Variants in MAN2A1 observed in about 807,000 individuals in gnomAD.
MAN2A1 encodes the protein alpha-mannosidase 2.
MAN2A1 carries 76 observed loss-of-function variants against 142.6 expected under a neutral mutation model. The observed-to-expected ratio is 0.53, with a 90% CI of 0.44 to 0.65. The LOEUF is 0.65. MAN2A1 is among the 30% of genes least tolerant of loss of function. MAN2A1 has a pLI of 0.00. For synonymous variants in MAN2A1, 559 were observed against 473.2 expected, an observed-to-expected ratio of 1.18 and a Z score of -2.35; for missense variants, 1,311 against 1,365.1, an observed-to-expected ratio of 0.96 and a Z score of 0.62.
At chr5:109,856,284 G>A (rs1261019383) in intron 20 of MAN2A1, among the ~76,000 whole-genome samples, 4 of 152,094 alleles carry the variant, frequency 2.6e-5, no homozygotes, top group African/African-American at 9.7e-5. Flanking sequence ...CCTGTCACTT[G>A]GGAGAGGCCT....
At chr5:109,776,069 C>CTT (rs35427592) in intron 8 of MAN2A1, among the ~76,000 whole-genome samples, 1 of 134,942 alleles carries the variant, frequency 7.4e-6, no homozygotes, top group Non-Finnish European at 1.6e-5. Context: ...CTTTTAAAGT[C>CTT]TTTTTTTTTT....
chr5:109,719,536 T>G (rs919394404), intron 3 of MAN2A1, among the ~76,000 whole-genome samples: 2 of 152,188 alleles, frequency 1.3e-5, no homozygotes, highest in African/African-American at 4.8e-5. Flanking sequence ...ATAATACTCC[T>G]AAATGAATGT....
intron 16 of MAN2A1, among the ~76,000 whole-genome samples, chr5:109,841,801 A>G (rs1755212193): frequency 6.6e-6 from 1 of 152,248 alleles, no homozygotes; most frequent in African/African-American, 2.4e-5. Flanking sequence ...TAATATGTTA[A>G]TATTACTTTC....
At chr5:109,714,954 A>G (rs993621556) in intron 2 of MAN2A1, among the ~76,000 whole-genome samples, 4 of 150,964 alleles carry the variant, frequency 2.6e-5, no homozygotes, top group African/African-American at 9.8e-5. Context: ...CTTCTTGAGT[A>G]CCTAGCCTTG....
chr5:109,697,049 G>C lies in MAN2A1; in HGVS notation c.135+6497G>C, dbSNP rs150369344. Among the ~76,000 whole-genome samples, 268 of 152,270 alleles carry C rather than the reference G, an allele frequency of 1.8e-3. 1 individual carries two copies. The highest frequency in any genetic ancestry group is 0.014 in the Middle Eastern group (4 of 294). ...TATTCTGAGAAAAACATTAGGGTCA[G>C]GTCATTGTAAATAGATCATCTTTTA... On this transcript the variant is annotated intron_variant, in intron 1 of 21. Transcript: ENST00000261483.
chr5:109,775,003 G>C, intron 8 of MAN2A1, 38 bp downstream of exon 8: 1 of 1,400,618 alleles, frequency 7.1e-7, no homozygotes, highest in Non-Finnish European at 9.9e-7. Context: ...ATTTGAAATT[G>C]AACCTTTATT....
intron 16 of MAN2A1, among the ~76,000 whole-genome samples, chr5:109,829,531 C>T (rs1330093637): frequency 1.3e-5 from 2 of 152,206 alleles, no homozygotes; most frequent in Non-Finnish European, 2.9e-5. Flanking sequence ...TTACTCTTGG[C>T]CAGTCTTCTT....
At chr5:109,749,280 A>G (rs932053272) in intron 4 of MAN2A1, among the ~76,000 whole-genome samples, 4 of 152,140 alleles carry the variant, frequency 2.6e-5, no homozygotes, top group African/African-American at 9.7e-5. Context: ...ACATAGGGGA[A>G]AAAGTGACAC....
intron 12 of MAN2A1, among the ~76,000 whole-genome samples, chr5:109,816,742 A>G (rs1244911440): frequency 3.3e-5 from 5 of 152,188 alleles, no homozygotes; most frequent in African/African-American, 9.7e-5. Flanking sequence ...TTTTAAACAG[A>G]TGAATAAAAC....
intron 1 of MAN2A1, among the ~76,000 whole-genome samples, chr5:109,706,129 C>G (rs183689684): frequency 2.6e-5 from 4 of 152,310 alleles, no homozygotes; most frequent in Admixed American, 2.6e-4. Flanking sequence ...ACTAACTAAT[C>G]CTCATAACAA....
chr5:109,748,131 A>G (rs1472532398), intron 4 of MAN2A1, among the ~76,000 whole-genome samples: 1 of 152,182 alleles, frequency 6.6e-6, no homozygotes, highest in Admixed American at 6.5e-5. Context: ...ATTTTAAAAT[A>G]CAATATTTTC....
intron 16 of MAN2A1, 62 bp from the exon 17 acceptor site, chr5:109,842,266 T>G (rs780464880): frequency 6.7e-5 from 77 of 1,147,596 alleles, no homozygotes; most frequent in Non-Finnish European, 9.4e-5. Flanking sequence ...GTATAGTATA[T>G]TTCAAAAAGG....
intron 12 of MAN2A1, among the ~76,000 whole-genome samples, chr5:109,812,552 A>G (rs1429470037): frequency 6.6e-6 from 1 of 152,158 alleles, no homozygotes; most frequent in African/African-American, 2.4e-5. Context: ...ATATTCCACT[A>G]ATGAGGCTAC....
intron 1 of MAN2A1, among the ~76,000 whole-genome samples, chr5:109,705,552 C>T (rs1751106867): frequency 6.6e-6 from 1 of 152,140 alleles, no homozygotes; most frequent in South Asian, 2.1e-4. Context: ...AAGAATTTCT[C>T]TAAAAAGGAC....
At chr5:109,787,359 C>G (rs1299674860) in intron 10 of MAN2A1, among the ~76,000 whole-genome samples, 1 of 151,882 alleles carries the variant, frequency 6.6e-6, no homozygotes, top group African/African-American at 2.4e-5. Context: ...AACTGTGATT[C>G]CCAAGTGATT....
intron 1 of MAN2A1, among the ~76,000 whole-genome samples, chr5:109,692,435 C>T (rs1036128979): frequency 2.0e-5 from 3 of 152,144 alleles, no homozygotes; most frequent in Non-Finnish European, 4.4e-5. Flanking sequence ...GCCACTGAAT[C>T]CTCAAGCAGA....
intron 3 of MAN2A1, among the ~76,000 whole-genome samples, chr5:109,724,024 T>C (rs1235643278): frequency 6.6e-6 from 1 of 152,214 alleles, no homozygotes; most frequent in African/African-American, 2.4e-5. Context: ...TTAAAACTCT[T>C]TCACAGTTTA....
intron 5 of MAN2A1, among the ~76,000 whole-genome samples, chr5:109,762,190 A>C (rs983486741): frequency 5.9e-5 from 9 of 152,158 alleles, no homozygotes; most frequent in African/African-American, 9.7e-5. Flanking sequence ...AAAGTGTTTA[A>C]AGCTATCTTC....
chr5:109,850,453 C>G (rs960960917), intron 19 of MAN2A1, among the ~76,000 whole-genome samples: 59 of 152,160 alleles, frequency 3.9e-4, no homozygotes, highest in African/African-American at 1.3e-3. Flanking sequence ...AAAATTCTTC[C>G]AGTATTTAGA....
Sources: allele counts gnomAD v4.1 joint callset (sites outside exome capture counted in the v4.1 genomes callset), GRCh38; gene constraint gnomAD v4.1.1; transcripts MANE v1.5; gene names NCBI Gene and HGNC (gene_info 2026-07-23, HGNC 2026-07-21).